Variants in MDM4 observed in about 807,000 individuals in gnomAD.
MDM4 encodes protein Mdm4.
A neutral mutation model predicts 60.2 loss-of-function variants in MDM4; 2 were observed. The observed-to-expected ratio is 0.03, with a 90% CI of 0.01 to 0.10. The LOEUF (loss-of-function observed/expected upper bound fraction) is 0.10, where lower values mean the gene tolerates loss of function less well. Among genes scored for constraint, MDM4 ranks in the 10% least tolerant of loss-of-function variants. The pLI is 1.00. For missense variants in MDM4, 447 were observed against 577.5 expected (o/e 0.77, Z 2.32); for synonymous variants, 202 against 198.1 (o/e 1.02, Z -0.17).
intron 4 of MDM4, among the ~76,000 whole-genome samples, chr1:204,531,074 A>G (rs748561874): frequency 4.8e-4 from 73 of 152,192 alleles, no homozygotes; most frequent in Non-Finnish European, 1.2e-4. Context: ...AACCTACACT[A>G]TGGCAAGTGC....
chr1:204,525,405 G>A (rs992002277), intron 1 of MDM4, 79 bp from the exon 2 acceptor site: 1 of 1,463,508 alleles, frequency 6.8e-7, no homozygotes, highest in Middle Eastern at 1.8e-4. Context: ...TTTTACTTCT[G>A]CTGGTTGCCT....
At chr1:204,544,384 A>G (rs1662438928) in intron 8 of MDM4, 151 bp from the exon 9 acceptor site, 8 of 663,310 alleles carry the variant, frequency 1.2e-5, no homozygotes, top group South Asian at 6.3e-5. Context: ...AAGTAGATAT[A>G]TGTTGAATGA....
rs984826119 is a variant in MDM4, at chr1:204,553,474, G to T, written c.*3792G>T. ...TCTTCATTTGGATGTTAAATTATAT[G>T]GTCACCTAGTTATAGGTAAGCCTTG... On this transcript the variant is annotated 3_prime_UTR_variant, in exon 11 of 11. Coordinates refer to ENST00000367182, the MANE Select transcript of MDM4 (RefSeq NM_002393.5). 4.4e-6 allele frequency: 1 copy of T among 225,618 alleles called. No homozygotes were observed. Among genetic ancestry groups the T allele is most frequent in the African/African-American group, 2.2e-5 (1 of 44,940 alleles). The allele number at this position is 225,618 out of a possible 1,614,324, so 14.0% of individuals were successfully genotyped here.
chr1:204,525,318 G>A, intron 1 of MDM4, 166 bp from the exon 2 acceptor site: 2 of 984,858 alleles, frequency 2.0e-6, no homozygotes, highest in Non-Finnish European at 2.4e-6. Context: ...CTAGAAAGTA[G>A]TCAGAAGATA....
chr1:204,543,276 CAGG>C (rs1662315045), intron 8 of MDM4, among the ~76,000 whole-genome samples: 1 of 152,162 alleles, frequency 6.6e-6, no homozygotes, highest in Admixed American at 6.5e-5. Flanking sequence ...GAGGCCGAGA[CAGG>C]AGGATTGCTT....
chr1:204,526,488 G>C lies in MDM4; in HGVS notation c.153+54G>C, dbSNP rs890795064. On this transcript the variant is annotated intron_variant, in intron 3 of 10. Transcript: ENST00000367182. Reference sequence around the variant, plus strand: ...TTTTGTTTTTTTTTTTTTTGAGATGGAGTCTCCCTCTTTTGCCCAGGCTGG... The same window carrying C: ...TTTTGTTTTTTTTTTTTTTGAGATGCAGTCTCCCTCTTTTGCCCAGGCTGG... The C allele has an allele frequency of 1.8e-5, 22 of 1,222,314 alleles. No homozygotes were observed. The African/African-American group carries it at 2.3e-4, about 13-fold the overall frequency. The allele number at this position is 1,222,314 out of a possible 1,614,324, so 75.7% of individuals were successfully genotyped here. A position where few individuals can be genotyped will look rare whatever the true frequency, so the allele number is the denominator to read the frequency against.
Position 204,546,842 on chromosome 1 carries a change from T to C in MDM4, c.868T>C (p.Leu290=), listed in dbSNP as rs747753709. The change falls in exon 10 of 11, where the codon TTA becomes CTA. Residue 290 remains leucine (L), a synonymous_variant. Transcript: ENST00000367182. The part of the protein sequence containing the change: ...KNDDLEDSKS[L]SDDTDVEVTS... The stretch of plus-strand genomic sequence containing the variant: ...TGATGACCTGGAGGACTCTAAGTCC[T>C]TAAGTGATGATACCGATGTAGAGGT... 1 of 1,613,348 alleles carries C rather than the reference T, an allele frequency of 6.2e-7. No individual in the cohort carries two copies.
At chr1:204,529,515 C>A (rs1660625370) in intron 3 of MDM4, 9 of 1,512,572 alleles carry the variant, frequency 6.0e-6, no homozygotes, top group African/African-American at 2.8e-5. Flanking sequence ...GGGCCCTCTA[C>A]CAGCTGGTGG....
At position 204,554,894 on chromosome 1, in the gene MDM4, T is replaced by G. The variant is rs1289153513; in HGVS notation, c.*5212T>G. 1 of 224,542 alleles carries G rather than the reference T, an allele frequency of 4.5e-6. No homozygotes were observed. Among genetic ancestry groups the G allele is most frequent in the African/African-American group, 2.2e-5 (1 of 44,862 alleles). 13.9% of individuals were successfully genotyped at this position (224,542 alleles called of 1,614,324 possible). On this transcript the variant is annotated 3_prime_UTR_variant, in exon 11 of 11. Coordinates refer to ENST00000367182, the MANE Select transcript of MDM4 (RefSeq NM_002393.5). ...TGTGCACTAATGCCATTATTGGTAATGCCGTTATTGGTGAATACAGCATAG... is the reference window on the plus strand; with the variant it reads ...TGTGCACTAATGCCATTATTGGTAAGGCCGTTATTGGTGAATACAGCATAG...
intron 5 of MDM4, among the ~76,000 whole-genome samples, chr1:204,534,731 ATC>A (rs1661221821): frequency 6.6e-6 from 1 of 152,066 alleles, no homozygotes; most frequent in African/African-American, 2.4e-5. Flanking sequence ...GACTCAAGCG[ATC>A]CCCCTTCTTC....
chr1:204,540,173 T>TA (rs1331427887), intron 7 of MDM4, among the ~76,000 whole-genome samples: 1 of 151,712 alleles, frequency 6.6e-6, no homozygotes, highest in Non-Finnish European at 1.5e-5. Context: ...TAGTCCCAGC[T>TA]ACCCGGGAGG....
At chr1:204,531,701 G>A (rs1660871430) in intron 4 of MDM4, among the ~76,000 whole-genome samples, 2 of 152,046 alleles carry the variant, frequency 1.3e-5, no homozygotes, top group South Asian at 2.1e-4. Context: ...GCGTGGTGGC[G>A]GGCGCCTATA....
At chr1:204,537,080 T>A in intron 5 of MDM4, 1 of 269,438 alleles carries the variant, frequency 3.7e-6, no homozygotes, top group East Asian at 9.9e-5. Flanking sequence ...GCGAATTTGG[T>A]AATATATAGG....
Position 204,551,874 on chromosome 1 carries a change from C to G in MDM4, c.*2192C>G, listed in dbSNP as rs1174365706. The stretch of plus-strand genomic sequence containing the variant: ...CAGAACATACTTTTGGAATCCTTGC[C>G]CTAGACAGGGGTGTCCAATCTTTTG... On this transcript the variant is annotated 3_prime_UTR_variant, in exon 11 of 11. Coordinates refer to ENST00000367182, the MANE Select transcript of MDM4 (RefSeq NM_002393.5). 9.8e-6 allele frequency: 2 copies of G among 203,764 alleles called. No homozygotes were observed. Among genetic ancestry groups the G allele is most frequent in the Non-Finnish European group, 2.0e-5 (2 of 99,482 alleles). The allele number at this position is 203,764 out of a possible 1,614,324, so 12.6% of individuals were successfully genotyped here.
At chr1:204,539,428 C>T (rs776915301) in intron 7 of MDM4, among the ~76,000 whole-genome samples, 10 of 151,816 alleles carry the variant, frequency 6.6e-5, no homozygotes, top group Non-Finnish European at 8.8e-5. Context: ...GATTGTAATG[C>T]TCTTTTAGCA....
intron 10 of MDM4, among the ~76,000 whole-genome samples, chr1:204,548,700 T>C (rs1310331228): frequency 6.6e-6 from 1 of 152,228 alleles, no homozygotes; most frequent in African/African-American, 2.4e-5. Flanking sequence ...TGCCAAACTT[T>C]ATAACATTTG....
intron 1 of MDM4, 188 bp from the exon 2 acceptor site, chr1:204,525,296 A>G: frequency 1.0e-6 from 1 of 983,026 alleles, no homozygotes; most frequent in Non-Finnish European, 1.2e-6. Context: ...CTTACTCTTA[A>G]TTAAATCAGA....
intron 1 of MDM4, 133 bp from the exon 2 acceptor site, chr1:204,525,351 A>G: frequency 7.2e-7 from 1 of 1,385,060 alleles, no homozygotes; most frequent in East Asian, 2.8e-5. Context: ...GCAAGGGTAT[A>G]CAGCATTTGT....
rs1001416473 is a variant in MDM4 at position 204,557,438 on chromosome 1, T to C, written c.*7756T>C. On this transcript the variant is annotated 3_prime_UTR_variant, in exon 11 of 11. Transcript: ENST00000367182. ...TTTTTTTTGAGACAGAGTCTTACTC[T>C]GTCACCCAGGCTGGAATGCAGTGGC... 3.9e-5 allele frequency: 7 copies of C among 177,356 alleles called. No individual in the cohort carries two copies. Among genetic ancestry groups the C allele is most frequent in the Non-Finnish European group, 6.1e-5 (5 of 82,476 alleles). 11.0% of individuals were successfully genotyped at this position (177,356 alleles called of 1,614,324 possible). A position where few individuals can be genotyped will look rare whatever the true frequency, so the allele number is the denominator to read the frequency against.
Sources: allele counts gnomAD v4.1 joint callset (sites outside exome capture counted in the v4.1 genomes callset), GRCh38; gene constraint gnomAD v4.1.1; transcripts MANE v1.5; gene names NCBI Gene and HGNC (gene_info 2026-07-23, HGNC 2026-07-21).